Variants in ZCCHC14 observed in about 807,000 individuals in gnomAD.
ZCCHC14 encodes the protein zinc finger CCHC-type containing 14.
ZCCHC14 carries 16 observed loss-of-function variants against 85.0 expected under a neutral mutation model. The observed-to-expected ratio is 0.19, with a 90% CI of 0.13 to 0.29. The LOEUF (loss-of-function observed/expected upper bound fraction) is 0.29, where lower values mean the gene tolerates loss of function less well. Ranked by LOEUF, ZCCHC14 falls within the 10% of genes least tolerant of loss-of-function variation. The pLI is 1.00. For missense variants in ZCCHC14, 1,303 were observed against 1,443.5 expected (o/e 0.90, Z 1.58); for synonymous variants, 775 against 630.7 (o/e 1.23, Z -3.43).
At chr16:87,459,005 T>G (rs1482308076) in intron 2 of ZCCHC14, among the ~76,000 whole-genome samples, 1 of 151,870 alleles carries the variant, frequency 6.6e-6, no homozygotes, top group African/African-American at 2.4e-5. Context: ...CACCTTACTC[T>G]CCCCTCCCCA....
intron 1 of ZCCHC14, chr16:87,472,872 C>A (rs76948652): frequency 0.017 from 2,536 of 152,238 alleles, 27 homozygotes; most frequent in Middle Eastern, 0.048. Flanking sequence ...CCACAGCGCC[C>A]GGCTAATTGT....
intron 2 of ZCCHC14, among the ~76,000 whole-genome samples, chr16:87,454,888 G>A (rs1032574297): frequency 8.5e-5 from 13 of 152,222 alleles, no homozygotes; most frequent in Admixed American, 2.0e-4. Flanking sequence ...TGGTGAGGAC[G>A]GGGCGGCCCC....
At chr16:87,487,450 C>T (rs1446316350) in intron 1 of ZCCHC14, among the ~76,000 whole-genome samples, 1 of 152,206 alleles carries the variant, frequency 6.6e-6, no homozygotes, top group African/African-American at 2.4e-5. Flanking sequence ...TGTCGCTGAC[C>T]AAATGCACCA....
At chr16:87,468,756 C>A (rs1048048711) in intron 1 of ZCCHC14, among the ~76,000 whole-genome samples, 1 of 152,228 alleles carries the variant, frequency 6.6e-6, no homozygotes, top group Non-Finnish European at 1.5e-5. Flanking sequence ...ATTCTCGTGG[C>A]ATGCAGCCAA....
chr16:87,442,099 T>G (rs1465367755), intron 2 of ZCCHC14, among the ~76,000 whole-genome samples: 1 of 152,186 alleles, frequency 6.6e-6, no homozygotes, highest in Non-Finnish European at 1.5e-5. Context: ...AGGGAAGATT[T>G]CAGGGAAGCA....
At chr16:87,460,218 T>C (rs746572214) in intron 1 of ZCCHC14, 87 bp from the exon 2 acceptor site, 3 of 1,499,890 alleles carry the variant, frequency 2.0e-6, no homozygotes, top group Non-Finnish European at 2.7e-6. Context: ...CTTTCATAAT[T>C]ACCTTGGTTT....
rs1424193124 is a variant in ZCCHC14 at position 87,417,501 on chromosome 16, G to A, written c.1342C>T (p.His448Tyr). 6.2e-7 allele frequency: 1 copy of A among 1,614,234 alleles called. No homozygotes were observed. Among genetic ancestry groups the A allele is most frequent in the Non-Finnish European group, 8.5e-7 (1 of 1,180,040 alleles). Residue 448 changes from histidine (H) to tyrosine (Y), a missense_variant, in exon 8 of 13, where the codon CAC becomes TAC. Physicochemically the swap from His to Tyr is moderately conservative, Grantham distance 83. Transcript: ENST00000671377. ...TGCTTAAAGACGGGGTAATACTTGT[G>A]CAAACGCAGTTTCCTAAGCCAGTCT... is the stretch of plus-strand genomic sequence containing the variant. ...ILDWLRKLRL[H>Y]KYYPVFKQLS...
At chr16:87,447,229 A>AG (rs11431915) in intron 2 of ZCCHC14, among the ~76,000 whole-genome samples, 12,523 of 152,058 alleles carry the variant, frequency 0.082, 1,711 homozygotes, top group African/African-American at 0.28. Context: ...ATTTTGGGCC[A>AG]GGGGGAACTA....
chr16:87,433,034 G>T, intron 3 of ZCCHC14, 94 bp downstream of exon 3: 1 of 1,251,498 alleles, frequency 8.0e-7, no homozygotes, highest in Non-Finnish European at 1.1e-6. Context: ...CTTTGCACAA[G>T]GCACAGCCTT....
chr16:87,412,506 G>C lies in ZCCHC14; in HGVS notation c.2215C>G (p.Leu739Val). The C allele has an allele frequency of 6.2e-7, 1 of 1,614,070 alleles. No individual in the cohort carries two copies. Among genetic ancestry groups the C allele is most frequent in the East Asian group, 2.2e-5 (1 of 44,868 alleles). Residue 739 changes from leucine (L) to valine (V), a missense_variant, in exon 12 of 13, where the codon CTG (leucine) becomes GTG (valine). Physicochemically the swap from Leu to Val is conservative, Grantham distance 32 (BLOSUM62 1). Transcript: ENST00000671377. ...PRTKVVHASTLDRVLKTAQQP... is the reference protein window; with the variant it reads ...PRTKVVHASTVDRVLKTAQQP... ...TGTGCTGTCTTCAGCACCCTGTCCA[G>C]CGTGGATGCATGCACGACTTTGGTC...
At chr16:87,459,786 G>T (rs1478555498) in intron 2 of ZCCHC14, among the ~76,000 whole-genome samples, 1 of 152,142 alleles carries the variant, frequency 6.6e-6, no homozygotes, top group African/African-American at 2.4e-5. Context: ...TGGGATTACA[G>T]GTGTGAGAAA....
chr16:87,477,908 C>A, intron 1 of ZCCHC14, among the ~76,000 whole-genome samples: 1 of 150,564 alleles, frequency 6.6e-6, no homozygotes. Flanking sequence ...TCCCCCTGAA[C>A]CTGCTGCCCC....
At chr16:87,414,672 C>G in intron 9 of ZCCHC14, 131 bp from the exon 10 acceptor site, 2 of 1,270,240 alleles carry the variant, frequency 1.6e-6, no homozygotes, top group Non-Finnish European at 2.1e-6. Flanking sequence ...TGGGTCTACT[C>G]CACACCACAG....
At chr16:87,461,601 C>T (rs1010079073) in intron 1 of ZCCHC14, among the ~76,000 whole-genome samples, 12 of 152,218 alleles carry the variant, frequency 7.9e-5, no homozygotes, top group African/African-American at 2.9e-4. Context: ...CCAAAACATC[C>T]CCTAAGTTCA....
chr16:87,481,331 A>C (rs1946939547), intron 1 of ZCCHC14, among the ~76,000 whole-genome samples: 1 of 152,114 alleles, frequency 6.6e-6, no homozygotes, highest in Non-Finnish European at 1.5e-5. Context: ...CAATGACATC[A>C]ACTGACTTGC....
intron 1 of ZCCHC14, among the ~76,000 whole-genome samples, chr16:87,462,184 C>T (rs1214937862): frequency 1.3e-5 from 2 of 149,930 alleles, no homozygotes; most frequent in Non-Finnish European, 3.0e-5. Context: ...CTTTGGATAA[C>T]TTAATAACAT....
intron 1 of ZCCHC14, among the ~76,000 whole-genome samples, chr16:87,468,752 G>A (rs566841598): frequency 2.0e-5 from 3 of 152,172 alleles, no homozygotes; most frequent in East Asian, 1.9e-4. Flanking sequence ...GGGGATTCTC[G>A]TGGCATGCAG....
At chr16:87,477,725 C>G (rs1228111190) in intron 1 of ZCCHC14, among the ~76,000 whole-genome samples, 1 of 152,208 alleles carries the variant, frequency 6.6e-6, no homozygotes, top group East Asian at 1.9e-4. Context: ...GCGACACCCT[C>G]AGAGCAGCCT....
Position 87,408,486 on chromosome 16 carries a change from T to C in ZCCHC14, c.*1794A>G, listed in dbSNP as rs1336840012. ...CAAAGTTGTGTCAGTTCTCATTATTTTGACATTTTGTAGTGTTTACAATTT... is the reference window on the plus strand; with the variant it reads ...CAAAGTTGTGTCAGTTCTCATTATTCTGACATTTTGTAGTGTTTACAATTT... On this transcript the variant is annotated 3_prime_UTR_variant, in exon 13 of 13. Transcript: ENST00000671377. The C allele has an allele frequency of 6.6e-6, 1 of 152,608 alleles. No individual in the cohort carries two copies. Among genetic ancestry groups the C allele is most frequent in the Non-Finnish European group, 1.5e-5 (1 of 68,034 alleles). The allele number at this position is 152,608 out of a possible 1,614,324, so 9.5% of individuals were successfully genotyped here.
Sources: allele counts gnomAD v4.1 joint callset (sites outside exome capture counted in the v4.1 genomes callset), GRCh38; gene constraint gnomAD v4.1.1; transcripts MANE v1.5; gene names NCBI Gene and HGNC (gene_info 2026-07-23, HGNC 2026-07-21).